TFB1M: variants seen among roughly 807,000 people sequenced by gnomAD.
The protein encoded by TFB1M is transcription factor B1, mitochondrial.
Under a neutral mutation model 31.1 loss-of-function variants are expected in TFB1M, and 27 were observed. The observed-to-expected ratio is 0.87, with a 90% CI of 0.64 to 1.20. The LOEUF (loss-of-function observed/expected upper bound fraction) is 1.20, where lower values mean the gene tolerates loss of function less well. Ranked by LOEUF, TFB1M falls within the 50% of genes most tolerant of loss-of-function variation. TFB1M has a pLI of 0.00. For synonymous variants in TFB1M, 166 were observed against 151.8 expected, an observed-to-expected ratio of 1.09 and a Z score of -0.69; for missense variants, 394 against 418.7, an observed-to-expected ratio of 0.94 and a Z score of 0.51.
chr6:155,278,641 G>A (rs1266630719), intron 5 of TFB1M, among the ~76,000 whole-genome samples: 1 of 152,210 alleles, frequency 6.6e-6, no homozygotes, highest in Non-Finnish European at 1.5e-5. Flanking sequence ...CGACAGAGGT[G>A]ACATAAGTTC....
chr6:155,275,854 A>G (rs775982881), intron 5 of TFB1M: 1 of 1,614,134 alleles, frequency 6.2e-7, no homozygotes, highest in Admixed American at 1.7e-5. Context: ...CAGCCATTGT[A>G]CAGCTGCACG....
chr6:155,306,620 C>CA (rs532370278), intron 2 of TFB1M, among the ~76,000 whole-genome samples: 19 of 148,920 alleles, frequency 1.3e-4, no homozygotes, highest in African/African-American at 4.2e-4. Context: ...GATACCAGAC[C>CA]AAAAAAAAAG....
the TFB1M span, among the ~76,000 whole-genome samples, chr6:155,239,652 G>C: frequency 9.8e-5 from 15 of 152,326 alleles, no homozygotes; most frequent in Non-Finnish European, 1.6e-4. Context: ...GGTCCCCCCA[G>C]ATGGTCATGT....
chr6:155,293,394 G>T (rs914088052), intron 4 of TFB1M, among the ~76,000 whole-genome samples: 7 of 152,108 alleles, frequency 4.6e-5, no homozygotes, highest in Non-Finnish European at 7.3e-5. Flanking sequence ...GCTCTGTCAC[G>T]TGCTGCTTCT....
the TFB1M span, chr6:155,240,750 A>T: frequency 6.3e-7 from 1 of 1,575,730 alleles, no homozygotes; most frequent in Non-Finnish European, 8.6e-7. Flanking sequence ...TGCCTCTTTG[A>T]TGATGGCAAG....
At chr6:155,314,010 C>G (rs1386239512) in intron 1 of TFB1M, 1 of 1,028,110 alleles carries the variant, frequency 9.7e-7, no homozygotes, top group Non-Finnish European at 1.3e-6. Context: ...TCACTAGCGC[C>G]TTTCACGACC....
chr6:155,250,766 T>TAAAC, the TFB1M span: 1 of 1,124,318 alleles, frequency 8.9e-7, no homozygotes, highest in East Asian at 2.5e-5. Context: ...AGCTCCACCG[T>TAAAC]TTAAGGCCCC....
chr6:155,233,379 AAGGTTCATCTG>A, the TFB1M span, among the ~76,000 whole-genome samples: 87 of 152,262 alleles, frequency 5.7e-4, no homozygotes, highest in African/African-American at 1.7e-3. Context: ...CCCAGGTTAG[AAGGTTCATCTG>A]AGTGACTCAG....
chr6:155,276,664 C>CTTTTTT (rs60004704), intron 5 of TFB1M: 175,695 of 276,760 alleles, frequency 0.63, 57,664 homozygotes, highest in East Asian at 0.98. Flanking sequence ...ATAGCTTTTT[C>CTTTTTT]AAGATAATTT....
At chr6:155,254,341 G>A, downstream of TFB1M, 2 of 1,558,496 alleles carry the variant, frequency 1.3e-6, no homozygotes, top group Non-Finnish European at 1.7e-6. Flanking sequence ...GCAAGGCACA[G>A]GAACACAGGC....
chr6:155,281,852 C>T (rs1299084416), intron 5 of TFB1M, among the ~76,000 whole-genome samples: 1 of 149,978 alleles, frequency 6.7e-6, no homozygotes, highest in Non-Finnish European at 1.5e-5. Context: ...GAGGATCTAG[C>T]TAATAGCTCA....
intron 2 of TFB1M, among the ~76,000 whole-genome samples, chr6:155,310,588 T>C (rs909463615): frequency 3.3e-5 from 5 of 152,190 alleles, no homozygotes; most frequent in Non-Finnish European, 5.9e-5. Flanking sequence ...CCTTCAACTC[T>C]CATTTCTTAT....
intron 1 of TFB1M, chr6:155,313,968 G>A (rs1778130422): frequency 6.9e-6 from 4 of 581,976 alleles, no homozygotes; most frequent in Non-Finnish European, 1.1e-5. Context: ...ATTTCAGAAT[G>A]ATTGATTTCA....
chr6:155,264,015 A>G (rs1329561439), intron 5 of TFB1M: 1 of 152,178 alleles, frequency 6.6e-6, no homozygotes, highest in Non-Finnish European at 1.5e-5. Flanking sequence ...AAGGATTCAA[A>G]GTTCGAAGTG....
Position 155,256,355 on chromosome 6 carries a change from T to G in TFB1M, c.*1481A>C, listed in dbSNP as rs1046079097. The G allele has an allele frequency of 2.9e-6, 4 of 1,368,466 alleles. No homozygotes were observed. Among genetic ancestry groups the G allele is most frequent in the African/African-American group, 2.9e-5 (2 of 68,668 alleles). The allele number at this position is 1,368,466 out of a possible 1,614,324, so 84.8% of individuals were successfully genotyped here. On this transcript the variant is annotated 3_prime_UTR_variant, in exon 7 of 7. Transcript: ENST00000367166. ...CTACATTTTTGCCTAATTACCAGGA[T>G]AGTTGCTAACTGAAGTCATATCATA...
intron 6 of TFB1M, among the ~76,000 whole-genome samples, 156 bp from the exon 7 acceptor site, chr6:155,258,238 G>C (rs1157546837): frequency 6.6e-6 from 1 of 152,222 alleles, no homozygotes; most frequent in African/African-American, 2.4e-5. Context: ...TATAGCACCA[G>C]ATAAGAGGCA....
At chr6:155,254,289 C>T, downstream of TFB1M, 1 of 1,238,140 alleles carries the variant, frequency 8.1e-7, no homozygotes, top group Non-Finnish European at 1.1e-6. Context: ...GGCCACATGG[C>T]ACTGCTGCTG....
downstream of TFB1M, chr6:155,253,113 T>C (rs1783772226): frequency 1.4e-6 from 2 of 1,410,592 alleles, no homozygotes; most frequent in African/African-American, 1.4e-5. Context: ...AACTGTGGAA[T>C]GTAAATTAAG....
chr6:155,235,529 G>A, the TFB1M span, among the ~76,000 whole-genome samples: 25 of 152,192 alleles, frequency 1.6e-4, no homozygotes, highest in Non-Finnish European at 2.9e-4. Context: ...TAAACATCAC[G>A]AACAGTGGGT....
Sources: allele counts gnomAD v4.1 joint callset (sites outside exome capture counted in the v4.1 genomes callset), GRCh38; gene constraint gnomAD v4.1.1; transcripts MANE v1.5; gene names NCBI Gene and HGNC (gene_info 2026-07-23, HGNC 2026-07-21).